Variants in RFTN1 observed in about 807,000 individuals in gnomAD.
RFTN1 encodes raftlin.
In RFTN1, 26 loss-of-function variants were observed where a neutral mutation model predicts 46.5. That is an observed-to-expected ratio of 0.56 (90% CI 0.41 to 0.78). The LOEUF is 0.78. Ranked by LOEUF, RFTN1 falls within the 30% of genes least tolerant of loss-of-function variation. The pLI is 0.00. For missense variants in RFTN1, 693 were observed against 718.7 expected (o/e 0.96, Z 0.41); for synonymous variants, 261 against 284.2 (o/e 0.92, Z 0.82).
chr3:16,367,059 A>G (rs2073228969), intron 6 of RFTN1, among the ~76,000 whole-genome samples: 1 of 152,236 alleles, frequency 6.6e-6, no homozygotes, highest in Non-Finnish European at 1.5e-5. Flanking sequence ...GCACTGGGTA[A>G]TTCAGGCTGA....
chr3:16,347,900 T>A, intron 7 of RFTN1: 1 of 152,232 alleles, frequency 6.6e-6, no homozygotes, highest in East Asian at 1.9e-4. Context: ...TGCAAGTAAC[T>A]TATTAAGGAT....
chr3:16,510,918 A>G (rs576131184), intron 1 of RFTN1, among the ~76,000 whole-genome samples: 3 of 152,374 alleles, frequency 2.0e-5, no homozygotes, highest in African/African-American at 4.8e-5. Flanking sequence ...TTAACAGAAT[A>G]TACAAACAAA....
In RFTN1 at chr3:16,460,984, T is replaced by A. The variant is rs1391979225; in HGVS notation, c.146-26947A>T. 6.6e-6 allele frequency among the ~76,000 whole-genome samples: 1 copy of A among 152,188 alleles called. No homozygotes were observed. Among genetic ancestry groups the A allele is most frequent in the Non-Finnish European group, 1.5e-5 (1 of 68,040 alleles). ...GTCTCAGAACCCACGGCTCAGCCAT[T>A]TTGGAGAGTGAGATGAGGAGGCCAC... On this transcript the variant is annotated intron_variant, in intron 2 of 9. Coordinates refer to ENST00000334133, the MANE Select transcript of RFTN1 (RefSeq NM_015150.2). The surrounding 1 kb of genome is among the most constrained non-coding windows in gnomAD (Gnocchi z 4.8).
intron 2 of RFTN1, among the ~76,000 whole-genome samples, chr3:16,444,217 C>G (rs1364781562): frequency 1.3e-5 from 2 of 152,120 alleles, no homozygotes; most frequent in Non-Finnish European, 2.9e-5. Flanking sequence ...TGATAGCTGG[C>G]ATTCTTGGTA....
Position 16,345,827 on chromosome 3 carries a change from CGT to C in RFTN1, c.1146+12103_1146+12104del, listed in dbSNP as rs1279501241. Among the ~76,000 whole-genome samples, 1,416 of 89,126 alleles carry C rather than the reference CGT, an allele frequency of 0.016. 20 individuals are homozygous for C. Among genetic ancestry groups the C allele is most frequent in the African/African-American group, 0.049 (1,170 of 23,756 alleles). 58.5% of individuals were successfully genotyped at this position (89,126 alleles called of 152,430 possible). On this transcript the variant is annotated intron_variant, in intron 7 of 9. Transcript: ENST00000334133. This position sits in a 1 kb window ranked among gnomAD's most constrained non-coding sequence, Gnocchi z 5.2. ...GTGTGTGTGTGTGTGTGCGCGCGCG[CGT>C]GCGCGCACGCGCACATGTGCATGTG...
intron 6 of RFTN1, among the ~76,000 whole-genome samples, chr3:16,369,509 G>A (rs576044175): frequency 3.3e-4 from 51 of 152,320 alleles, no homozygotes; most frequent in African/African-American, 1.2e-3. Flanking sequence ...CAGACTTTCT[G>A]CCTTAGGAGA....
intron 4 of RFTN1, among the ~76,000 whole-genome samples, chr3:16,405,417 C>G (rs1250738082): frequency 6.6e-6 from 1 of 152,166 alleles, no homozygotes; most frequent in Non-Finnish European, 1.5e-5. Context: ...CAGGACACAA[C>G]AGGAGAAAAC....
intron 2 of RFTN1, among the ~76,000 whole-genome samples, chr3:16,476,943 A>T (rs2076292181): frequency 6.6e-6 from 1 of 152,198 alleles, no homozygotes; most frequent in African/African-American, 2.4e-5. Flanking sequence ...CTTAGTCATA[A>T]GGCGGATGAC....
rs2074958493 is a variant in RFTN1 at position 16,410,266 on chromosome 3, C to T, written c.333-783G>A. Reference sequence around the variant, plus strand: ...ACACACACACACACACACAAACTCTCACTCCAGTAATGTCTATGTCCCATT... The same window carrying T: ...ACACACACACACACACACAAACTCTTACTCCAGTAATGTCTATGTCCCATT... On this transcript the variant is annotated intron_variant, in intron 3 of 9. Transcript: ENST00000334133. The surrounding 1 kb of genome is among the most constrained non-coding windows in gnomAD (Gnocchi z 4.6). 6.6e-6 allele frequency among the ~76,000 whole-genome samples: 1 copy of T among 150,792 alleles called. No individual in the cohort carries two copies. The highest frequency in any genetic ancestry group is 6.6e-5 in the Admixed American group (1 of 15,126).
chr3:16,488,365 T>C (rs1042103623), intron 2 of RFTN1, among the ~76,000 whole-genome samples: 2 of 152,130 alleles, frequency 1.3e-5, no homozygotes, highest in Non-Finnish European at 2.9e-5. Flanking sequence ...TTCCAAAGTG[T>C]TGGGATTACA....
In RFTN1 at chr3:16,479,647, A is replaced by G. The variant is rs1324966271; in HGVS notation, c.145+14078T>C. 6.6e-6 allele frequency among the ~76,000 whole-genome samples: 1 copy of G among 152,248 alleles called. No homozygotes were observed. Among genetic ancestry groups the G allele is most frequent in the African/African-American group, 2.4e-5 (1 of 41,472 alleles). ...AGACCGGTGAGCCCATGCTCAGGGC[A>G]TCTTTGATGCATCTATTAAGGCCTT... is the stretch of plus-strand genomic sequence containing the variant. On this transcript the variant is annotated intron_variant, in intron 2 of 9. Coordinates refer to ENST00000334133, the MANE Select transcript of RFTN1 (RefSeq NM_015150.2). The surrounding 1 kb of genome is among the most constrained non-coding windows in gnomAD (Gnocchi z 5.1).
At chr3:16,367,376 C>A (rs1360715693) in intron 6 of RFTN1, among the ~76,000 whole-genome samples, 2 of 152,180 alleles carry the variant, frequency 1.3e-5, no homozygotes, top group Non-Finnish European at 2.9e-5. Flanking sequence ...AACGCCCTAA[C>A]CCAGGAAGCA....
intron 2 of RFTN1, among the ~76,000 whole-genome samples, chr3:16,454,441 T>A (rs2075871144): frequency 6.6e-6 from 1 of 152,120 alleles, no homozygotes; most frequent in Non-Finnish European, 1.5e-5. Context: ...GACCTGCATT[T>A]CAATAACCAG....
In RFTN1 at chr3:16,421,971, C is replaced by CAGGA. The variant is rs1485581291; in HGVS notation, c.332+11876_332+11879dup. Among the ~76,000 whole-genome samples the CAGGA allele has an allele frequency of 6.6e-6, 1 of 152,164 alleles. No individual in the cohort carries two copies. The highest frequency in any genetic ancestry group is 1.5e-5 in the Non-Finnish European group (1 of 68,038). Reference sequence around the variant, plus strand: ...GTGACCTCTGACATACACACCAAGCCAGGACACCACCTTCAACCTGAATGC... The same window carrying CAGGA: ...GTGACCTCTGACATACACACCAAGCCAGGAAGGACACCACCTTCAACCTGAATGC... On this transcript the variant is annotated intron_variant, in intron 3 of 9. Transcript: ENST00000334133. The surrounding 1 kb of genome is among the most constrained non-coding windows in gnomAD (Gnocchi z 4.6).
chr3:16,482,113 C>T (rs2076375877), intron 2 of RFTN1, among the ~76,000 whole-genome samples: 3 of 152,176 alleles, frequency 2.0e-5, no homozygotes, highest in African/African-American at 7.2e-5. Context: ...CAGCATGACC[C>T]TTAATGTGGC....
chr3:16,331,017 A>T (rs2070252877), intron 7 of RFTN1, among the ~76,000 whole-genome samples: 2 of 152,246 alleles, frequency 1.3e-5, no homozygotes, highest in Non-Finnish European at 2.9e-5. Flanking sequence ...TGCTCTTTAT[A>T]CATGATTGTA....
intron 3 of RFTN1, among the ~76,000 whole-genome samples, chr3:16,414,925 A>G (rs1444974959): frequency 6.6e-6 from 1 of 152,210 alleles, no homozygotes; most frequent in African/African-American, 2.4e-5. Flanking sequence ...GATGGATAGT[A>G]TAGACATTCA....
rs1196182546 is a variant in RFTN1, at chr3:16,465,420, AC to A, written c.145+28304del. ...CAACAGAGGTTGGCAGCTCAGAGGG[AC>A]ACACACACACACACACACACACACA... On this transcript the variant is annotated intron_variant, in intron 2 of 9. Coordinates refer to ENST00000334133, the MANE Select transcript of RFTN1 (RefSeq NM_015150.2). This position sits in a 1 kb window ranked among gnomAD's most constrained non-coding sequence, Gnocchi z 5.1. Among the ~76,000 whole-genome samples, 2 of 61,896 alleles carry A rather than the reference AC, an allele frequency of 3.2e-5. No individual in the cohort carries two copies. Among genetic ancestry groups the A allele is most frequent in the African/African-American group, 2.1e-4 (2 of 9,680 alleles). The allele number at this position is 61,896 out of a possible 152,430, so 40.6% of individuals were successfully genotyped here.
At chr3:16,377,436 G>C (rs2073818764) in intron 5 of RFTN1, among the ~76,000 whole-genome samples, 1 of 152,192 alleles carries the variant, frequency 6.6e-6, no homozygotes, top group Non-Finnish European at 1.5e-5. Context: ...GAGAGCACAG[G>C]AGATAAAAGA....
Sources: gnomAD v4.1 joint callset for allele counts (sites outside exome capture counted in the v4.1 genomes callset) on GRCh38, gnomAD v4.1.1 for gene constraint, Gnocchi (gnomAD v3.1) non-coding constraint, MANE v1.5 for transcripts, NCBI Gene and HGNC (gene_info 2026-07-23, HGNC 2026-07-21) for gene names.